Variants in PDE8B observed in about 807,000 individuals in gnomAD.
PDE8B encodes high affinity cAMP-specific and IBMX-insensitive 3',5'-cyclic phosphodiesterase 8B.
Under a neutral mutation model 101.3 loss-of-function variants are expected in PDE8B, and 26 were observed. That is an observed-to-expected ratio of 0.26 (90% CI 0.19 to 0.36). The LOEUF (loss-of-function observed/expected upper bound fraction) is 0.36. Among genes scored for constraint, PDE8B ranks in the 10% least tolerant of loss-of-function variants. The probability of loss-of-function intolerance (pLI) is 1.00; values close to 1 mark genes in which losing one functional copy is unlikely to be tolerated. For missense variants in PDE8B, 810 were observed against 1,163.1 expected (o/e 0.70, Z 4.42); for synonymous variants, 424 against 429.3 (o/e 0.99, Z 0.15).
chr5:77,232,329 G>A (rs1258514315), intron 1 of PDE8B, among the ~76,000 whole-genome samples: 3 of 152,090 alleles, frequency 2.0e-5, no homozygotes, highest in East Asian at 1.9e-4. Context: ...ATTGTATTGC[G>A]ATAAGCCTGA....
the PDE8B span, chr5:77,118,396 T>G: frequency 5.0e-6 from 2 of 398,674 alleles, no homozygotes; most frequent in African/African-American, 2.1e-5. Flanking sequence ...AGCTTCTCTC[T>G]CAGCCTCATC....
chr5:77,239,894 C>T (rs1038601196), intron 1 of PDE8B, among the ~76,000 whole-genome samples: 1 of 151,978 alleles, frequency 6.6e-6, no homozygotes, highest in South Asian at 2.1e-4. Context: ...GGTCCATTAT[C>T]CCCTGGGAAC....
At chr5:77,424,822 T>TTTG (rs1554104680) in intron 20 of PDE8B, among the ~76,000 whole-genome samples, 1 of 108,814 alleles carries the variant, frequency 9.2e-6, no homozygotes, top group Non-Finnish European at 2.1e-5. Flanking sequence ...TTTTTTTGTT[T>TTTG]TTTGTTTTTT....
intron 11 of PDE8B, 113 bp from the exon 12 acceptor site, chr5:77,404,607 T>G: frequency 2.9e-6 from 2 of 698,954 alleles, no homozygotes; most frequent in Non-Finnish European, 5.1e-6. Flanking sequence ...TATTTTATAG[T>G]GCTTAAAAAG....
At chr5:77,367,099 A>G (rs945141514) in intron 10 of PDE8B, among the ~76,000 whole-genome samples, 1 of 152,008 alleles carries the variant, frequency 6.6e-6, no homozygotes, top group Non-Finnish European at 1.5e-5. Context: ...GACAATGTGG[A>G]CTGTTATTTG....
chr5:77,282,111 A>G (rs982534154), intron 1 of PDE8B, among the ~76,000 whole-genome samples: 7 of 152,084 alleles, frequency 4.6e-5, no homozygotes, highest in African/African-American at 1.7e-4. Context: ...CAGAGTCCTT[A>G]CCTGCTAACT....
intron 1 of PDE8B, among the ~76,000 whole-genome samples, chr5:77,294,799 A>C (rs1480615917): frequency 4.7e-5 from 7 of 149,698 alleles, no homozygotes; most frequent in Non-Finnish European, 1.0e-4. Flanking sequence ...TTGAGAAGTG[A>C]TAGAATGCAA....
At chr5:77,210,351 G>C (rs1747976010), upstream of PDE8B, 1 of 151,734 alleles carries the variant, frequency 6.6e-6, no homozygotes, top group African/African-American at 2.4e-5. This position sits in a 1 kb window ranked among gnomAD's most constrained non-coding sequence, Gnocchi z 4.9. Flanking sequence ...TGCCCTGTCG[G>C]GAGAGCTCCG....
At chr5:77,412,645 C>CT (rs1428869002) in intron 16 of PDE8B, among the ~76,000 whole-genome samples, 1 of 151,834 alleles carries the variant, frequency 6.6e-6, no homozygotes, top group Non-Finnish European at 1.5e-5. Context: ...CTGTTTCTTC[C>CT]CAGAGGTGTT....
rs115801086 is a variant in PDE8B at position 77,250,293 on chromosome 5, T to G, written c.339+39029T>G. Among the ~76,000 whole-genome samples the G allele has an allele frequency of 3.5e-3, 529 of 152,276 alleles. 2 individuals carry two copies. The highest frequency in any genetic ancestry group is 0.012 in the African/African-American group (501 of 41,548). Reference sequence around the variant, plus strand: ...TCTTCAAGCTTTTTCTCTTTGGAACTTGGGGATTGAAACAAGATCAGATGA... The same window carrying G: ...TCTTCAAGCTTTTTCTCTTTGGAACGTGGGGATTGAAACAAGATCAGATGA... On this transcript the variant is annotated intron_variant, in intron 1 of 21. Coordinates refer to ENST00000264917, the MANE Select transcript of PDE8B (RefSeq NM_003719.5).
intron 1 of PDE8B, among the ~76,000 whole-genome samples, chr5:77,219,605 AC>A (rs1383939632): frequency 1.3e-5 from 2 of 152,182 alleles, no homozygotes; most frequent in African/African-American, 4.8e-5. Context: ...GAGAGCAATG[AC>A]CAAATGGAGA....
chr5:77,134,704 A>T, the PDE8B span: 3 of 152,280 alleles, frequency 2.0e-5, no homozygotes, highest in Non-Finnish European at 2.9e-5. Context: ...GCCAACAGCT[A>T]AGACCTTCTG....
chr5:77,339,416 C>T (rs1778796741), intron 6 of PDE8B, among the ~76,000 whole-genome samples: 1 of 152,184 alleles, frequency 6.6e-6, no homozygotes, highest in African/African-American at 2.4e-5. Context: ...GGTTCTGCCT[C>T]AACCTTATTC....
In PDE8B at chr5:77,426,481, C is replaced by T. The variant is rs1352576772; in HGVS notation, c.2585C>T (p.Ala862Val). Residue 862 changes from alanine (A) to valine (V), a missense_variant, in exon 22 of 22, where the codon GCT becomes GTT. This residue lies in a region of PDE8B where 325 missense variants were observed against 560.9 expected (regional missense o/e 0.58). Transcript: ENST00000264917. ...CTGCCAGCCCTGATGCAACATTTGG[C>T]TGACAACTACAAACACTGGAAGACA... The part of the protein sequence containing the change: ...AHLPALMQHL[A>V]DNYKHWKTLD... The T allele has an allele frequency of 1.2e-6, 2 of 1,613,554 alleles. No individual in the cohort carries two copies. Among genetic ancestry groups the T allele is most frequent in the Non-Finnish European group, 1.7e-6 (2 of 1,179,550 alleles).
chr5:77,395,244 G>A (rs1386847302), intron 10 of PDE8B, among the ~76,000 whole-genome samples: 1 of 150,794 alleles, frequency 6.6e-6, no homozygotes, highest in Admixed American at 6.6e-5. Context: ...AGCCTCCCAA[G>A]TAGCTGGGAC....
chr5:77,380,794 G>A (rs1036997655), intron 10 of PDE8B, among the ~76,000 whole-genome samples: 18 of 152,152 alleles, frequency 1.2e-4, no homozygotes, highest in Admixed American at 2.0e-4. Flanking sequence ...ATACAATAAG[G>A]GGAAAGTCCA....
At chr5:77,090,332 C>T in the PDE8B span, among the ~76,000 whole-genome samples, 3 of 152,140 alleles carry the variant, frequency 2.0e-5, no homozygotes, top group Non-Finnish European at 4.4e-5. Context: ...CTCCGCCTCC[C>T]GGGAGCTTGT....
intron 3 of PDE8B, among the ~76,000 whole-genome samples, chr5:77,327,271 C>T (rs1306952823): frequency 6.6e-6 from 1 of 152,184 alleles, no homozygotes; most frequent in African/African-American, 2.4e-5. Context: ...TGAGCCTCAG[C>T]CCCACCTTCT....
the PDE8B span, chr5:77,142,138 C>T: frequency 6.6e-6 from 1 of 152,172 alleles, no homozygotes. Context: ...TAAATTCATG[C>T]TACTTGCTTC....
Sources: gnomAD v4.1 joint callset for allele counts (sites outside exome capture counted in the v4.1 genomes callset) on GRCh38, gnomAD v4.1.1 for gene constraint, gnomAD v4.1.1 regional missense constraint, Gnocchi (gnomAD v3.1) non-coding constraint, MANE v1.5 for transcripts, NCBI Gene and HGNC (gene_info 2026-07-23, HGNC 2026-07-21) for gene names.